The following STAC variants were observed in gnomAD, a reference collection of about 807,000 sequenced individuals.
STAC encodes SH3 and cysteine rich domain.
Under a neutral mutation model 48.8 loss-of-function variants are expected in STAC, and 43 were observed. That is an observed-to-expected ratio of 0.88 (90% confidence interval 0.69 to 1.14). The LOEUF is 1.14. Among genes scored for constraint, STAC ranks in the 50% most tolerant of loss-of-function variants. The pLI is 0.00. For synonymous variants in STAC, 193 were observed against 179.5 expected (o/e 1.07, Z -0.60); for missense variants, 497 against 504.0 (o/e 0.99, Z 0.13).
In STAC at chr3:36,547,474, A is replaced by G. The variant is rs1422930064; in HGVS notation, c.*1185A>G. ...CTCTGTACTTATACTAATGTTTACA[A>G]GAATGCAATATACTGTGATGCCTTC... On this transcript the variant is annotated 3_prime_UTR_variant, in exon 11 of 11. Coordinates refer to ENST00000273183, the MANE Select transcript of STAC (RefSeq NM_003149.3). 4 of 152,640 alleles carry G rather than the reference A, an allele frequency of 2.6e-5. No individual in the cohort carries two copies. The highest frequency in any genetic ancestry group is 6.5e-5 in the Admixed American group (1 of 15,282). The allele number at this position is 152,640 out of a possible 1,614,324, so 9.5% of individuals were successfully genotyped here.
At chr3:36,483,427 C>A (rs1447722700) in intron 3 of STAC, among the ~76,000 whole-genome samples, 2 of 152,156 alleles carry the variant, frequency 1.3e-5, no homozygotes, top group African/African-American at 4.8e-5. Context: ...TCAGGAACCC[C>A]CTAAGTCCCA....
chr3:36,427,678 G>A (rs1467772221), intron 1 of STAC, among the ~76,000 whole-genome samples: 1 of 152,176 alleles, frequency 6.6e-6, no homozygotes, highest in Non-Finnish European at 1.5e-5. Context: ...ACATGTGCCA[G>A]GCTCAGTTTG....
intron 2 of STAC, among the ~76,000 whole-genome samples, chr3:36,465,473 A>G (rs749243931): frequency 6.6e-6 from 1 of 152,138 alleles, no homozygotes; most frequent in Non-Finnish European, 1.5e-5. Context: ...ACTAAGTCCC[A>G]TCTATTTATC....
intron 2 of STAC, among the ~76,000 whole-genome samples, chr3:36,455,454 TGACA>T (rs1431185502): frequency 6.6e-6 from 1 of 152,202 alleles, no homozygotes; most frequent in Non-Finnish European, 1.5e-5. Flanking sequence ...GACCAAGCCA[TGACA>T]GACAAAGTTG....
At position 36,459,023 on chromosome 3, in the gene STAC, T is replaced by A. The variant is rs192364054; in HGVS notation, c.388+15383T>A. Among the ~76,000 whole-genome samples, 6 of 152,290 alleles carry A rather than the reference T, an allele frequency of 3.9e-5. No homozygotes were observed. In the East Asian group the frequency reaches 1.2e-3, roughly 29 times the overall value. On this transcript the variant is annotated intron_variant, in intron 2 of 10. Coordinates refer to ENST00000273183, the MANE Select transcript of STAC (RefSeq NM_003149.3). The stretch of plus-strand genomic sequence containing the variant: ...GTTGCAAGGCTTTAACATATCTCCC[T>A]GACAAAATTCTCTGAAACTAAAATT...
chr3:36,393,922 C>G (rs1014956486), intron 1 of STAC, among the ~76,000 whole-genome samples: 1 of 151,872 alleles, frequency 6.6e-6, no homozygotes, highest in Non-Finnish European at 1.5e-5. Context: ...TTTCAGAAAC[C>G]AGAATGGAGT....
At chr3:36,505,240 T>C (rs544949917) in intron 7 of STAC, among the ~76,000 whole-genome samples, 11 of 152,246 alleles carry the variant, frequency 7.2e-5, no homozygotes, top group Non-Finnish European at 1.5e-4. Context: ...GTAAACTAAA[T>C]CAGTCTCATG....
chr3:36,502,128 G>C (rs1342446376), intron 6 of STAC, among the ~76,000 whole-genome samples: 1 of 152,102 alleles, frequency 6.6e-6, no homozygotes, highest in African/African-American at 2.4e-5. Flanking sequence ...CAGCATATAG[G>C]ATAGGAAAAG....
chr3:36,456,477 T>C (rs186577883), intron 2 of STAC, among the ~76,000 whole-genome samples: 289 of 152,298 alleles, frequency 1.9e-3, no homozygotes, highest in Non-Finnish European at 3.4e-3. Context: ...CAGTTATTAG[T>C]AACTTTCAAG....
chr3:36,534,228 A>G (rs1266981466), intron 10 of STAC, among the ~76,000 whole-genome samples: 1 of 152,196 alleles, frequency 6.6e-6, no homozygotes, highest in Non-Finnish European at 1.5e-5. Context: ...TCAGCATAGT[A>G]GCATCTCTCT....
chr3:36,425,206 C>G (rs1320394711), intron 1 of STAC, among the ~76,000 whole-genome samples: 1 of 152,160 alleles, frequency 6.6e-6, no homozygotes, highest in Non-Finnish European at 1.5e-5. Context: ...GACCCAGTGA[C>G]AAAAGTTAAT....
intron 8 of STAC, among the ~76,000 whole-genome samples, chr3:36,508,916 A>T (rs1009951649): frequency 1.2e-4 from 19 of 152,100 alleles, no homozygotes; most frequent in African/African-American, 4.6e-4. Flanking sequence ...GCCCATTTTC[A>T]TTTAAGGTTA....
chr3:36,504,429 G>T lies in STAC; in HGVS notation c.803G>T (p.Arg268Ile). ...TYPENGTDDF[R>I]DPAKNINHQG... is the part of the protein sequence containing the mutation. ...CCAGAAAATGGCACTGATGATTTCA[G>T]AGATCCAGCGAAGAACATAAACCAC... The change falls in exon 7 of 11, where the codon AGA becomes ATA. Residue 268 changes from arginine to isoleucine, a missense_variant. Physicochemically the swap from Arg to Ile is moderately conservative, Grantham distance 97. Transcript: ENST00000273183. The T allele has an allele frequency of 6.2e-7, 1 of 1,613,572 alleles. No homozygotes were observed. Among genetic ancestry groups the T allele is most frequent in the Non-Finnish European group, 8.5e-7 (1 of 1,179,698 alleles).
In STAC at chr3:36,498,322, A is replaced by C. The variant is rs947940843; in HGVS notation, c.766+5093A>C. 5.9e-5 allele frequency among the ~76,000 whole-genome samples: 9 copies of C among 152,292 alleles called. No homozygotes were observed. In the East Asian group the frequency reaches 1.7e-3, roughly 29 times the overall value. On this transcript the variant is annotated intron_variant, in intron 6 of 10. Coordinates refer to ENST00000273183, the MANE Select transcript of STAC (RefSeq NM_003149.3). ...ACATATTAGGCATAAAGAGAGAATT[A>C]GTTCCCTAAAATATAGAACCAAAGA...
intron 1 of STAC, among the ~76,000 whole-genome samples, chr3:36,437,218 C>T (rs1301224303): frequency 1.3e-5 from 2 of 150,060 alleles, no homozygotes; most frequent in African/African-American, 4.9e-5. Flanking sequence ...GTCAGTGTGG[C>T]GATTCCTCAG....
intron 6 of STAC, among the ~76,000 whole-genome samples, chr3:36,494,996 C>A (rs1698100823): frequency 6.6e-6 from 1 of 152,146 alleles, no homozygotes; most frequent in Admixed American, 6.5e-5. Flanking sequence ...TTCCCCTTTC[C>A]CCTGACACTC....
chr3:36,540,759 G>A (rs143196840), intron 10 of STAC, among the ~76,000 whole-genome samples: 2 of 151,980 alleles, frequency 1.3e-5, no homozygotes, highest in Middle Eastern at 3.4e-3. Context: ...AAGGAATAGA[G>A]CCCTTTTGAC....
At chr3:36,405,562 C>T (rs964036956) in intron 1 of STAC, among the ~76,000 whole-genome samples, 1 of 152,116 alleles carries the variant, frequency 6.6e-6, no homozygotes, top group South Asian at 2.1e-4. Context: ...CACAACTGAT[C>T]GCTATTTAAA....
At chr3:36,453,533 T>C (rs913925914) in intron 2 of STAC, among the ~76,000 whole-genome samples, 16 of 152,216 alleles carry the variant, frequency 1.1e-4, no homozygotes, top group Non-Finnish European at 2.4e-4. Context: ...CTTAGCTGCC[T>C]TCCCGCGGGG....
Sources: gnomAD v4.1 joint callset for allele counts (sites outside exome capture counted in the v4.1 genomes callset) on GRCh38, gnomAD v4.1.1 for gene constraint, MANE v1.5 for transcripts, NCBI Gene and HGNC (gene_info 2026-07-23, HGNC 2026-07-21) for gene names.